Variants in ZBTB7C observed in about 807,000 individuals in gnomAD.
ZBTB7C encodes the protein zinc finger and BTB domain-containing protein 7C.
ZBTB7C carries 8 observed loss-of-function variants against 25.7 expected under a neutral mutation model. That is an observed-to-expected ratio of 0.31 (90% CI 0.18 to 0.56). The LOEUF is 0.56. Among genes scored for constraint, ZBTB7C ranks in the 20% least tolerant of loss-of-function variants. The pLI is 0.91. For missense variants in ZBTB7C, 824 were observed against 855.2 expected (o/e 0.96, Z 0.46); for synonymous variants, 394 against 369.0 (o/e 1.07, Z -0.78).
chr18:48,246,925 T>C (rs2043711934), intron 2 of ZBTB7C, among the ~76,000 whole-genome samples: 1 of 152,150 alleles, frequency 6.6e-6, no homozygotes, highest in South Asian at 2.1e-4. Flanking sequence ...TGAGCACAGA[T>C]AGGTCATAGA....
Position 48,155,488 on chromosome 18 carries a change from C to T in ZBTB7C, c.-17+30446G>A, listed in dbSNP as rs1397429403. Among the ~76,000 whole-genome samples, 12 of 150,366 alleles carry T rather than the reference C, an allele frequency of 8.0e-5. No homozygotes were observed. In the East Asian group the frequency reaches 1.4e-3, roughly 17 times the overall value. ...GACTACAGGTGCCCGCCACTACACCCGGCTAATTTTTTGTATTTTTTTTTT... is the reference window on the plus strand; with the variant it reads ...GACTACAGGTGCCCGCCACTACACCTGGCTAATTTTTTGTATTTTTTTTTT... On this transcript the variant is annotated intron_variant, in intron 3 of 4. Transcript: ENST00000590800.
intron 1 of ZBTB7C, among the ~76,000 whole-genome samples, chr18:48,380,949 G>C (rs2145206912): frequency 6.6e-6 from 1 of 152,168 alleles, no homozygotes. Context: ...ACCACCTTTT[G>C]GAGAGAAAAA....
chr18:48,030,489 T>C (rs1214451606), intron 4 of ZBTB7C, among the ~76,000 whole-genome samples: 1 of 152,224 alleles, frequency 6.6e-6, no homozygotes, highest in East Asian at 1.9e-4. Context: ...TGGTTTCTTA[T>C]CCTAAGCCTT....
At chr18:48,296,067 C>T (rs1300403785) in intron 2 of ZBTB7C, among the ~76,000 whole-genome samples, 1 of 152,224 alleles carries the variant, frequency 6.6e-6, no homozygotes, top group Non-Finnish European at 1.5e-5. Flanking sequence ...CCAGAGAGTT[C>T]CCTCCTGGGG....
At chr18:48,397,523 G>A (rs2048058134) in intron 1 of ZBTB7C, among the ~76,000 whole-genome samples, 1 of 152,178 alleles carries the variant, frequency 6.6e-6, no homozygotes, top group Non-Finnish European at 1.5e-5. Context: ...CCAAGCCTCA[G>A]TTCATCATCT....
intron 3 of ZBTB7C, among the ~76,000 whole-genome samples, chr18:48,121,941 G>C (rs2039643464): frequency 6.6e-6 from 1 of 152,180 alleles, no homozygotes; most frequent in South Asian, 2.1e-4. Flanking sequence ...GGATGTGGAG[G>C]ATACAGCATT....
intron 3 of ZBTB7C, among the ~76,000 whole-genome samples, chr18:48,167,164 C>T (rs1196078609): frequency 6.6e-6 from 1 of 152,176 alleles, no homozygotes; most frequent in Admixed American, 6.5e-5. Context: ...TTCCAGGGTT[C>T]CCGCCCACTC....
At chr18:48,279,959 T>C (rs951138851) in intron 2 of ZBTB7C, among the ~76,000 whole-genome samples, 2 of 152,084 alleles carry the variant, frequency 1.3e-5, no homozygotes, top group African/African-American at 4.8e-5. Context: ...GGAGAGGAAA[T>C]AGGTAGGATG....
upstream of ZBTB7C, chr18:48,410,724 C>T (rs2048376547): frequency 6.6e-6 from 1 of 152,318 alleles, no homozygotes; most frequent in East Asian, 1.9e-4. Flanking sequence ...CATAGGAACC[C>T]TCGCCCTCCT....
rs569716642 is a variant in ZBTB7C, at chr18:48,236,378, C to T, written c.-78-50383G>A. 2.0e-5 allele frequency among the ~76,000 whole-genome samples: 3 copies of T among 152,198 alleles called. No individual in the cohort carries two copies. The East Asian group carries it at 5.8e-4, about 29-fold the overall frequency. ...CAGAAACTTGGAACAGGGTTTTAGC[C>T]CATGAGAAGTGTTTGATAAGTCTCT... On this transcript the variant is annotated intron_variant, in intron 2 of 4. Coordinates refer to ENST00000590800, the MANE Select transcript of ZBTB7C (RefSeq NM_001318841.2).
chr18:48,132,959 C>A (rs886248756), intron 3 of ZBTB7C, among the ~76,000 whole-genome samples: 8 of 152,208 alleles, frequency 5.3e-5, no homozygotes, highest in African/African-American at 7.2e-5. Context: ...ACATTTGCAT[C>A]TGGTTTGCAT....
intron 3 of ZBTB7C, among the ~76,000 whole-genome samples, chr18:48,042,850 T>C (rs192219979): frequency 1.9e-3 from 291 of 152,312 alleles, no homozygotes; most frequent in Middle Eastern, 3.4e-3. Context: ...ACTCTGGGGA[T>C]GCACAGAGAA....
chr18:48,382,736 A>G (rs995419852), intron 1 of ZBTB7C, among the ~76,000 whole-genome samples: 3 of 152,252 alleles, frequency 2.0e-5, no homozygotes, highest in Non-Finnish European at 2.9e-5. Flanking sequence ...CTAAGTATGC[A>G]TAACTCCAGC....
At chr18:48,193,446 T>G (rs2042245694) in intron 2 of ZBTB7C, among the ~76,000 whole-genome samples, 1 of 152,100 alleles carries the variant, frequency 6.6e-6, no homozygotes, top group African/African-American at 2.4e-5. Flanking sequence ...AAATAGTAAT[T>G]ATTTGCATGC....
At chr18:48,389,238 T>C (rs201213382) in intron 1 of ZBTB7C, among the ~76,000 whole-genome samples, 26 of 61,780 alleles carry the variant, frequency 4.2e-4, no homozygotes, top group Admixed American at 7.8e-4. Context: ...CTCTCTCTCG[T>C]GTGTGTGTGT....
At chr18:48,074,510 A>G (rs1034910105) in intron 3 of ZBTB7C, among the ~76,000 whole-genome samples, 5 of 152,252 alleles carry the variant, frequency 3.3e-5, no homozygotes, top group Non-Finnish European at 5.9e-5. Flanking sequence ...CTGGGCACCA[A>G]GGGAACCATC....
chr18:48,330,912 G>A (rs963874232), intron 2 of ZBTB7C, among the ~76,000 whole-genome samples: 5 of 152,132 alleles, frequency 3.3e-5, no homozygotes, highest in African/African-American at 4.8e-5. Flanking sequence ...GTGGGCGTGC[G>A]GAGGCAAGGG....
chr18:48,182,528 C>G (rs2041954613), intron 3 of ZBTB7C, among the ~76,000 whole-genome samples: 2 of 152,194 alleles, frequency 1.3e-5, no homozygotes, highest in African/African-American at 4.8e-5. Context: ...TCAGCTATGA[C>G]AGGACCTTAG....
At chr18:48,289,635 C>T (rs1391044473) in intron 2 of ZBTB7C, among the ~76,000 whole-genome samples, 2 of 149,882 alleles carry the variant, frequency 1.3e-5, no homozygotes, top group East Asian at 2.0e-4. Flanking sequence ...TTATTATGTG[C>T]CAGGCATGCT....
Sources: allele counts gnomAD v4.1 joint callset (sites outside exome capture counted in the v4.1 genomes callset), GRCh38; gene constraint gnomAD v4.1.1; transcripts MANE v1.5; gene names NCBI Gene and HGNC (gene_info 2026-07-23, HGNC 2026-07-21).